The following AKNA variants were observed in gnomAD, a reference collection of about 807,000 sequenced individuals.
AKNA encodes microtubule organization protein AKNA.
AKNA carries 67 observed loss-of-function variants against 138.8 expected under a neutral mutation model. That is an observed-to-expected ratio of 0.48 (90% CI 0.40 to 0.59). The LOEUF (loss-of-function observed/expected upper bound fraction) is 0.59. AKNA is among the 20% of genes least tolerant of loss of function. The pLI is 0.00. For missense variants in AKNA, 1,813 were observed against 1,880.4 expected (o/e 0.96, Z 0.66); for synonymous variants, 737 against 754.4 (o/e 0.98, Z 0.38).
intron 7 of AKNA, among the ~76,000 whole-genome samples, chr9:114,363,243 C>A (rs898708229): frequency 2.6e-5 from 4 of 152,204 alleles, no homozygotes; most frequent in Non-Finnish European, 4.4e-5. Flanking sequence ...CCTAGCAATT[C>A]TGCTAGGCTC....
chr9:114,337,246 GGCT>G lies in AKNA; in HGVS notation c.4125_4127del (p.Ala1376del). Reference sequence around the variant, plus strand: ...GGTGTCTCCGGGCTGGTGGGGGAGAGGCTGTGGGCGGCCACTTGGCAGCTGGTT... The same window carrying G: ...GGTGTCTCCGGGCTGGTGGGGGAGAGGTGGGCGGCCACTTGGCAGCTGGTT... On this transcript the variant is annotated inframe_deletion, in exon 22 of 22. Coordinates refer to ENST00000374088, the MANE Select transcript of AKNA (RefSeq NM_001317950.2). 6.4e-7 allele frequency: 1 copy of G among 1,560,324 alleles called. No individual in the cohort carries two copies. Among genetic ancestry groups the G allele is most frequent in the Non-Finnish European group, 8.7e-7 (1 of 1,144,802 alleles).
At position 114,356,026 on chromosome 9, in the gene AKNA, G is replaced by A; in HGVS notation, c.2957C>T (p.Thr986Ile). 2 of 1,614,190 alleles carry A rather than the reference G, an allele frequency of 1.2e-6. No homozygotes were observed. The highest frequency in any genetic ancestry group is 1.7e-6 in the Non-Finnish European group (2 of 1,180,044). The change falls in exon 14 of 22, where the codon ACA becomes ATA. Residue 986 changes from threonine (T) to isoleucine (I), a missense_variant. Coordinates refer to ENST00000374088, the MANE Select transcript of AKNA (RefSeq NM_001317950.2). Reference sequence around the variant, plus strand: ...GTACCTCTGTGCTTGGCTCCGGGGTGTGCTGGGCTCTGTGGCTCTTCTGGG... The same window carrying A: ...GTACCTCTGTGCTTGGCTCCGGGGTATGCTGGGCTCTGTGGCTCTTCTGGG... ...LIPRRATEPS[T>I]PRSQAQRYLS...
rs1294307080 is a variant in AKNA, at chr9:114,356,042, C to T, written c.2941G>A (p.Ala981Thr). Residue 981 changes from alanine to threonine, a missense_variant, in exon 14 of 22, where the codon GCC becomes ACC. Coordinates refer to ENST00000374088, the MANE Select transcript of AKNA (RefSeq NM_001317950.2). ...KARGSLIPRRATEPSTPRSQA... is the reference protein window; with the variant it reads ...KARGSLIPRRTTEPSTPRSQA... ...CTCCGGGGTGTGCTGGGCTCTGTGGCTCTTCTGGGAATCAGAGAACCCCTG... is the reference window on the plus strand; with the variant it reads ...CTCCGGGGTGTGCTGGGCTCTGTGGTTCTTCTGGGAATCAGAGAACCCCTG... The T allele has an allele frequency of 6.2e-7, 1 of 1,614,180 alleles. No individual in the cohort carries two copies. The highest frequency in any genetic ancestry group is 8.5e-7 in the Non-Finnish European group (1 of 1,180,030).
chr9:114,386,062 G>C (rs1333135479), intron 1 of AKNA, among the ~76,000 whole-genome samples: 1 of 152,150 alleles, frequency 6.6e-6, no homozygotes, highest in Non-Finnish European at 1.5e-5. Context: ...GTCCCTGATT[G>C]ACTCAGCTTC....
At chr9:114,342,764 C>T (rs1830442625) in intron 19 of AKNA, among the ~76,000 whole-genome samples, 1 of 151,716 alleles carries the variant, frequency 6.6e-6, no homozygotes, top group African/African-American at 2.4e-5. Context: ...TCAGGCACCC[C>T]CCAGCCCCAC....
chr9:114,376,301 C>T, intron 3 of AKNA, 165 bp downstream of exon 3: 1 of 700,776 alleles, frequency 1.4e-6, no homozygotes, highest in Non-Finnish European at 2.5e-6. Context: ...CCAGGCCTCC[C>T]CACCCCACCA....
At chr9:114,374,299 G>C (rs1387781278) in intron 3 of AKNA, 132 bp from the exon 4 acceptor site, 14 of 852,480 alleles carry the variant, frequency 1.6e-5, no homozygotes, top group Middle Eastern at 2.2e-4. Flanking sequence ...TCAATGGTGG[G>C]ATCCGAGCTG....
In AKNA at chr9:114,359,588, A is replaced by G. The variant is rs1423723436; in HGVS notation, c.2492+6T>C. Reference sequence around the variant, plus strand: ...AACATTCTGCAGGAAAGGCTCAGTGACTTACTCCAGGGGAGCCCCATGACT... The same window carrying G: ...AACATTCTGCAGGAAAGGCTCAGTGGCTTACTCCAGGGGAGCCCCATGACT... On this transcript the variant is annotated splice_donor_region_variant and intron_variant, in intron 11 of 21. Coordinates refer to ENST00000374088, the MANE Select transcript of AKNA (RefSeq NM_001317950.2). The G allele has an allele frequency of 6.2e-7, 1 of 1,614,006 alleles. No individual in the cohort carries two copies. The highest frequency in any genetic ancestry group is 1.3e-5 in the African/African-American group (1 of 74,920).
At chr9:114,330,522 A>T (rs1829833550), downstream of AKNA, 2 of 1,612,034 alleles carry the variant, frequency 1.2e-6, no homozygotes, top group Non-Finnish European at 1.7e-6. Context: ...ACCTTCTTTT[A>T]CTTTACCCCC....
In AKNA at chr9:114,377,014, A is replaced by C. The variant is rs1206697733; in HGVS notation, c.793T>G (p.Ser265Ala). 1.9e-6 allele frequency: 3 copies of C among 1,614,116 alleles called. No individual in the cohort carries two copies. In the East Asian group the frequency reaches 6.7e-5, roughly 36 times the overall value. Residue 265 changes from serine (S) to alanine (A), a missense_variant, in exon 3 of 22, where the codon TCC becomes GCC. Coordinates refer to ENST00000374088, the MANE Select transcript of AKNA (RefSeq NM_001317950.2). ...ARATPMEFQD[S>A]SAPPAQSPQH... ...GGACTCTGGGCTGGGGGAGCTGAGG[A>C]GTCCTGGAATTCCATGGGGGTTGCC...
chr9:114,345,932 G>C lies in AKNA; in HGVS notation c.3592C>G (p.Arg1198Gly), dbSNP rs771425708. Reference sequence around the variant, plus strand: ...CTGCCCACCCCTCTCTTTCCATCCCGAGCTGCCTGTGGACTGTCCTTGGTG... The same window carrying C: ...CTGCCCACCCCTCTCTTTCCATCCCCAGCTGCCTGTGGACTGTCCTTGGTG... ...KTTKDSPQAA[R>G]DGKRGVGSAG... The change falls in exon 18 of 22, where the codon CGG becomes GGG. Residue 1198 changes from arginine to glycine, a missense_variant. Arg to Gly is a moderately radical substitution (Grantham distance 125). Coordinates refer to ENST00000374088, the MANE Select transcript of AKNA (RefSeq NM_001317950.2). 7 of 1,614,060 alleles carry C rather than the reference G, an allele frequency of 4.3e-6. No individual in the cohort carries two copies. The Admixed American group carries it at 1.2e-4, about 27-fold the overall frequency.
In AKNA at chr9:114,337,013, G is replaced by GACCCCCCCCC; in HGVS notation, c.*40_*41insGGGGGGGGGT. ...CCACTCCTGGCCTGGCAGGCCACCT[G>GACCCCCCCCC]CCCACCCACCCACCCATCTGCCTCT... On this transcript the variant is annotated 3_prime_UTR_variant, in exon 22 of 22. Coordinates refer to ENST00000374088, the MANE Select transcript of AKNA (RefSeq NM_001317950.2). The GACCCCCCCCC allele has an allele frequency of 8.4e-7, 1 of 1,185,370 alleles. No individual in the cohort carries two copies. The allele number at this position is 1,185,370 out of a possible 1,614,324, so 73.4% of individuals were successfully genotyped here.
chr9:114,369,871 T>TACCGTCATCATCATAACCATC (rs1241122645), intron 4 of AKNA, among the ~76,000 whole-genome samples: 3 of 152,070 alleles, frequency 2.0e-5, no homozygotes, highest in Non-Finnish European at 2.9e-5. Flanking sequence ...TTTTTACCAT[T>TACCGTCATCATCATAACCATC]ACCGTCATCA....
chr9:114,330,835 C>T (rs149310648), downstream of AKNA: 203 of 1,613,828 alleles, frequency 1.3e-4, no homozygotes, highest in Admixed American at 6.3e-4. Context: ...GAATGTCCAG[C>T]GGGAGAATGG....
chr9:114,343,732 G>C lies in AKNA; in HGVS notation c.3733C>G (p.Arg1245Gly). The change falls in exon 19 of 22, where the codon CGG becomes GGG. Residue 1245 changes from arginine to glycine, a missense_variant. Physicochemically the swap from Arg to Gly is moderately radical, Grantham distance 125 (BLOSUM62 -2). Transcript: ENST00000374088. The part of the protein sequence containing the change: ...GNGTVSCPHC[R>G]PIRTQDAGGA... ...CCCGCATCCTGGGTCCTAATGGGCCGGCAGTGGGGACAGGAGACTGTGCCA... is the reference window on the plus strand; with the variant it reads ...CCCGCATCCTGGGTCCTAATGGGCCCGCAGTGGGGACAGGAGACTGTGCCA... 5 of 1,614,198 alleles carry C rather than the reference G, an allele frequency of 3.1e-6. No individual in the cohort carries two copies. Among genetic ancestry groups the C allele is most frequent in the Non-Finnish European group, 4.2e-6 (5 of 1,180,018 alleles).
Position 114,361,740 on chromosome 9 carries a change from T to A in AKNA, c.2088A>T (p.Gln696His), listed in dbSNP as rs2131931000. 4 of 1,613,524 alleles carry A rather than the reference T, an allele frequency of 2.5e-6. No individual in the cohort carries two copies. Among genetic ancestry groups the A allele is most frequent in the Non-Finnish European group, 3.4e-6 (4 of 1,179,996 alleles). The change falls in exon 9 of 22, where the codon CAA becomes CAT. Residue 696 changes from glutamine to histidine, a missense_variant. Coordinates refer to ENST00000374088, the MANE Select transcript of AKNA (RefSeq NM_001317950.2). ...QPTHLPAPSG[Q>H]APMPAIKTSC... ...AGGTCTTGATGGCTGGCATGGGGGC[T>A]TGTCCAGAAGGAGCAGGCAGGTGCG...
intron 12 of AKNA, among the ~76,000 whole-genome samples, chr9:114,357,624 T>C (rs193255285): frequency 3.3e-4 from 51 of 152,330 alleles, no homozygotes; most frequent in Middle Eastern, 6.8e-3. Context: ...GCAGCAGTGA[T>C]GTCTACTCTA....
At position 114,336,429 on chromosome 9, in the gene AKNA, G is replaced by T. The variant is rs748151932; in HGVS notation, c.*625C>A. The T allele has an allele frequency of 6.6e-6, 1 of 152,298 alleles. No homozygotes were observed. The highest frequency in any genetic ancestry group is 1.5e-5 in the Non-Finnish European group (1 of 68,062). The allele number at this position is 152,298 out of a possible 1,614,324, so 9.4% of individuals were successfully genotyped here. Reference sequence around the variant, plus strand: ...GCGTGAGGTACTGAAGGGGACCATGGTGGATGGCATCCTGGGCACTTTGTA... The same window carrying T: ...GCGTGAGGTACTGAAGGGGACCATGTTGGATGGCATCCTGGGCACTTTGTA... On this transcript the variant is annotated 3_prime_UTR_variant, in exon 22 of 22. Transcript: ENST00000374088.
chr9:114,342,057 G>T lies in AKNA; in HGVS notation c.3826C>A (p.Gln1276Lys), dbSNP rs757339506. ...ADTLQCPLCG[Q>K]VGSPPEADGP... Reference sequence around the variant, plus strand: ...TCTGCCTCTGGGGGAGACCCAACTTGACCACACAGGGGACACTGAAGGGTA... The same window carrying T: ...TCTGCCTCTGGGGGAGACCCAACTTTACCACACAGGGGACACTGAAGGGTA... Residue 1276 changes from glutamine (Q) to lysine (K), a missense_variant, in exon 20 of 22, where the codon CAA becomes AAA. Transcript: ENST00000374088. The T allele has an allele frequency of 1.9e-6, 3 of 1,613,930 alleles. No individual in the cohort carries two copies. In the East Asian group the frequency reaches 6.7e-5, roughly 36 times the overall value.
Sources: allele counts gnomAD v4.1 joint callset (sites outside exome capture counted in the v4.1 genomes callset), GRCh38; gene constraint gnomAD v4.1.1; transcripts MANE v1.5; gene names NCBI Gene and HGNC (gene_info 2026-07-23, HGNC 2026-07-21).